ATE1: variants seen among roughly 807,000 people sequenced by gnomAD.
The protein encoded by ATE1 is arginyltransferase 1, also known as arginyl-tRNA--protein transferase 1.
Under a neutral mutation model 70.5 loss-of-function variants are expected in ATE1, and 36 were observed. The ratio of observed to expected loss-of-function variants is 0.51; its 90% CI spans 0.39 to 0.67. The LOEUF is 0.67. Ranked by LOEUF, ATE1 falls within the 30% of genes least tolerant of loss-of-function variation. The pLI, the probability that ATE1 is intolerant of heterozygous loss-of-function variation, is 0.00. For synonymous variants in ATE1, 232 were observed against 219.3 expected (o/e 1.06, Z -0.51); for missense variants, 593 against 629.5 (o/e 0.94, Z 0.62).
chr10:121,912,777 C>T (rs1951494738), intron 4 of ATE1, among the ~76,000 whole-genome samples: 1 of 149,730 alleles, frequency 6.7e-6, no homozygotes, highest in Middle Eastern at 3.5e-3. Context: ...CAGAGTCTTG[C>T]TCTGTCACCT....
At chr10:121,899,598 C>A (rs2134287700) in intron 7 of ATE1, among the ~76,000 whole-genome samples, 1 of 152,270 alleles carries the variant, frequency 6.6e-6, no homozygotes, top group African/African-American at 2.4e-5. Context: ...CTATTACTAT[C>A]TTTTAGATAA....
At chr10:121,807,020 T>C (rs1355032898) in intron 10 of ATE1, among the ~76,000 whole-genome samples, 2 of 152,210 alleles carry the variant, frequency 1.3e-5, no homozygotes, top group East Asian at 3.9e-4. Flanking sequence ...TTTTCTAATG[T>C]TGATCCTCTC....
At chr10:121,749,878 T>A (rs544625317) in intron 11 of ATE1, among the ~76,000 whole-genome samples, 35 of 152,306 alleles carry the variant, frequency 2.3e-4, no homozygotes, top group Admixed American at 7.2e-4. Flanking sequence ...GGAAGAAACA[T>A]CAAATTACCC....
At chr10:121,835,971 A>T (rs911170367) in intron 10 of ATE1, among the ~76,000 whole-genome samples, 3 of 152,226 alleles carry the variant, frequency 2.0e-5, no homozygotes, top group African/African-American at 7.2e-5. Flanking sequence ...TCTGCTCTAC[A>T]ACTGTTGATG....
intron 10 of ATE1, among the ~76,000 whole-genome samples, chr10:121,812,933 C>T (rs1042835157): frequency 1.3e-5 from 2 of 152,188 alleles, no homozygotes; most frequent in Non-Finnish European, 2.9e-5. Flanking sequence ...CTGAGACATC[C>T]TCTGTTTCTT....
At chr10:121,811,288 G>C (rs575538867) in intron 10 of ATE1, among the ~76,000 whole-genome samples, 8 of 151,786 alleles carry the variant, frequency 5.3e-5, no homozygotes, top group Admixed American at 1.3e-4. Context: ...AGAGAGAGGG[G>C]GAGAAAAGAG....
chr10:121,774,583 GTAT>G (rs1945655455), intron 11 of ATE1, among the ~76,000 whole-genome samples: 1 of 152,146 alleles, frequency 6.6e-6, no homozygotes, highest in South Asian at 2.1e-4. Context: ...AACAGCTCTA[GTAT>G]TATTACAGAG....
At chr10:121,882,708 A>G (rs930459001) in intron 7 of ATE1, among the ~76,000 whole-genome samples, 1 of 152,158 alleles carries the variant, frequency 6.6e-6, no homozygotes, top group African/African-American at 2.4e-5. Context: ...GGCAGTACTG[A>G]TATCACCTTC....
chr10:121,766,264 G>A (rs981734583), intron 11 of ATE1, among the ~76,000 whole-genome samples: 2 of 152,066 alleles, frequency 1.3e-5, no homozygotes, highest in Non-Finnish European at 2.9e-5. Flanking sequence ...ATTCTTCATG[G>A]TGGAGTCAGA....
intron 5 of ATE1, among the ~76,000 whole-genome samples, chr10:121,903,215 T>C (rs1015210857): frequency 3.3e-5 from 5 of 150,006 alleles, no homozygotes; most frequent in African/African-American, 9.8e-5. Context: ...AAAAAAAACA[T>C]TCATCCACTT....
intron 7 of ATE1, among the ~76,000 whole-genome samples, chr10:121,888,022 T>C (rs1950459235): frequency 6.6e-6 from 1 of 152,186 alleles, no homozygotes; most frequent in South Asian, 2.1e-4. Flanking sequence ...TTATTCCTCC[T>C]ACCTCAGAAA....
At chr10:121,861,300 T>C (rs7070804) in intron 8 of ATE1, among the ~76,000 whole-genome samples, 13,619 of 152,086 alleles carry the variant, frequency 0.09, 1,890 homozygotes, top group African/African-American at 0.3. Flanking sequence ...TAATGTTTAG[T>C]TTTTTATTCT....
intron 10 of ATE1, among the ~76,000 whole-genome samples, chr10:121,808,542 T>A (rs1339742496): frequency 6.6e-6 from 1 of 152,198 alleles, no homozygotes; most frequent in Non-Finnish European, 1.5e-5. Flanking sequence ...ACTCCACTCA[T>A]ATGCAAAGAT....
At chr10:121,925,674 G>A (rs1263605856) in intron 1 of ATE1, among the ~76,000 whole-genome samples, 2 of 151,800 alleles carry the variant, frequency 1.3e-5, no homozygotes, top group African/African-American at 4.8e-5. Context: ...AGGAGTTCAA[G>A]ACCAGCCTGT....
At chr10:121,770,942 C>T (rs1224202696) in intron 11 of ATE1, among the ~76,000 whole-genome samples, 2 of 152,092 alleles carry the variant, frequency 1.3e-5, no homozygotes, top group Non-Finnish European at 2.9e-5. Flanking sequence ...AAACATTTCA[C>T]ATGAGCGAAC....
intron 11 of ATE1, among the ~76,000 whole-genome samples, chr10:121,771,107 T>C (rs1309527995): frequency 6.6e-6 from 1 of 152,146 alleles, no homozygotes; most frequent in Non-Finnish European, 1.5e-5. Flanking sequence ...AGTCCCACTT[T>C]GTCACCCAGG....
At chr10:121,921,808 G>T (rs1951893655) in intron 3 of ATE1, among the ~76,000 whole-genome samples, 1 of 152,156 alleles carries the variant, frequency 6.6e-6, no homozygotes, top group South Asian at 2.1e-4. Context: ...AAAAGTCTTT[G>T]TTCCGGGCCC....
chr10:121,778,594 T>G (rs1945845366), intron 11 of ATE1, among the ~76,000 whole-genome samples: 1 of 57,884 alleles, frequency 1.7e-5, no homozygotes, highest in African/African-American at 6.0e-5. Flanking sequence ...TTTTTTTTTT[T>G]GAGACATTGT....
intron 11 of ATE1, among the ~76,000 whole-genome samples, chr10:121,775,725 T>C (rs1479627769): frequency 6.6e-6 from 1 of 152,216 alleles, no homozygotes; most frequent in African/African-American, 2.4e-5. Flanking sequence ...ACTGACGGTA[T>C]CTAGGGTAGT....
Sources: gnomAD v4.1 joint callset for allele counts (sites outside exome capture counted in the v4.1 genomes callset) on GRCh38, gnomAD v4.1.1 for gene constraint, MANE v1.5 for transcripts, NCBI Gene and HGNC (gene_info 2026-07-23, HGNC 2026-07-21) for gene names.